TMEFF2: variants seen among roughly 807,000 people sequenced by gnomAD.
The protein encoded by TMEFF2 is transmembrane protein with EGF like and two follistatin like domains 2, also known as tomoregulin-2.
A neutral mutation model predicts 53.8 loss-of-function variants in TMEFF2; 28 were observed. The ratio of observed to expected loss-of-function variants is 0.52; its 90% confidence interval spans 0.39 to 0.71. TMEFF2 has a LOEUF of 0.71. Ranked by LOEUF, TMEFF2 falls within the 30% of genes least tolerant of loss-of-function variation. TMEFF2 has a pLI of 0.00. For synonymous variants in TMEFF2, 162 were observed against 166.3 expected (o/e 0.97, Z 0.20); for missense variants, 353 against 455.2 (o/e 0.78, Z 2.04).
At chr2:192,186,422 G>T (rs1377487497) in intron 2 of TMEFF2, among the ~76,000 whole-genome samples, 1 of 152,174 alleles carries the variant, frequency 6.6e-6, no homozygotes, top group Non-Finnish European at 1.5e-5. Flanking sequence ...ACTGTGGCCA[G>T]CAAGGCAAGT....
intron 7 of TMEFF2, among the ~76,000 whole-genome samples, chr2:191,961,811 A>G (rs984923628): frequency 2.0e-5 from 3 of 152,294 alleles, no homozygotes; most frequent in Non-Finnish European, 4.4e-5. Context: ...AAGCATTCCT[A>G]TTGAATGGGT....
intron 7 of TMEFF2, among the ~76,000 whole-genome samples, chr2:191,979,423 T>G (rs1009972320): frequency 2.6e-5 from 4 of 152,204 alleles, no homozygotes; most frequent in Non-Finnish European, 5.9e-5. Context: ...CAGGTGGTCT[T>G]TGACCTGGAG....
At chr2:191,973,303 A>G (rs944061208) in intron 7 of TMEFF2, among the ~76,000 whole-genome samples, 3 of 152,024 alleles carry the variant, frequency 2.0e-5, no homozygotes, top group Non-Finnish European at 4.4e-5. Context: ...TTATTATTTT[A>G]TAATCATATA....
chr2:192,057,897 A>G, intron 4 of TMEFF2, 122 bp from the exon 5 acceptor site: 5 of 737,758 alleles, frequency 6.8e-6, no homozygotes, highest in Non-Finnish European at 9.3e-6. Context: ...TTGAAGCTTC[A>G]TAAGAATGTC....
chr2:191,975,128 T>C (rs1574258595), intron 7 of TMEFF2, among the ~76,000 whole-genome samples: 1 of 151,310 alleles, frequency 6.6e-6, no homozygotes, highest in African/African-American at 2.4e-5. Flanking sequence ...AGAAGGATGC[T>C]AATTAAAAAA....
intron 4 of TMEFF2, among the ~76,000 whole-genome samples, chr2:192,072,448 T>C (rs1469735645): frequency 2.6e-5 from 4 of 151,102 alleles, no homozygotes; most frequent in Admixed American, 6.6e-5. Flanking sequence ...AAGCAACACA[T>C]TTTTTTTCTA....
chr2:191,990,533 C>G (rs1686079314), intron 7 of TMEFF2, among the ~76,000 whole-genome samples: 2 of 151,058 alleles, frequency 1.3e-5, no homozygotes, highest in Non-Finnish European at 1.5e-5. Flanking sequence ...TCCTACTCTT[C>G]TTTAAGCTTC....
intron 7 of TMEFF2, among the ~76,000 whole-genome samples, chr2:191,964,370 T>TCTCTCTC (rs1692388914): frequency 1.3e-5 from 1 of 74,852 alleles, no homozygotes; most frequent in African/African-American, 4.8e-5. Context: ...CTTTCTTTCT[T>TCTCTCTC]TCTCTTTCTT....
intron 5 of TMEFF2, among the ~76,000 whole-genome samples, chr2:192,056,504 T>C (rs968084725): frequency 3.9e-5 from 6 of 152,090 alleles, no homozygotes; most frequent in Admixed American, 2.6e-4. Context: ...CCTCAGAAGT[T>C]TGAGTTATTC....
At chr2:191,953,616 G>T in intron 9 of TMEFF2, 63 bp downstream of exon 9, 2 of 1,566,714 alleles carry the variant, frequency 1.3e-6, no homozygotes, top group Non-Finnish European at 1.7e-6. Context: ...GGAGGGATCT[G>T]ATTAAATAAA....
At chr2:192,141,515 A>C (rs981414304) in intron 4 of TMEFF2, among the ~76,000 whole-genome samples, 1 of 152,050 alleles carries the variant, frequency 6.6e-6, no homozygotes, top group Non-Finnish European at 1.5e-5. Flanking sequence ...TAGGTCTCAA[A>C]CATGCATTTG....
intron 4 of TMEFF2, among the ~76,000 whole-genome samples, chr2:192,170,610 A>G (rs1193002945): frequency 1.3e-5 from 2 of 152,048 alleles, no homozygotes; most frequent in Non-Finnish European, 2.9e-5. Flanking sequence ...GAAAAAGTTC[A>G]ACTTTATAGG....
chr2:192,172,118 G>A (rs1015615265), intron 4 of TMEFF2, among the ~76,000 whole-genome samples: 1 of 151,760 alleles, frequency 6.6e-6, no homozygotes, highest in Non-Finnish European at 1.5e-5. Context: ...TAATGGTGGG[G>A]TATAAAAGCT....
intron 5 of TMEFF2, among the ~76,000 whole-genome samples, chr2:192,056,622 G>A (rs1438929681): frequency 6.6e-6 from 1 of 152,082 alleles, no homozygotes; most frequent in African/African-American, 2.4e-5. Flanking sequence ...ATCTTTAAAA[G>A]AGTAGTTACT....
chr2:191,984,320 CATATAT>C (rs1685924843), intron 7 of TMEFF2, among the ~76,000 whole-genome samples: 1 of 152,064 alleles, frequency 6.6e-6, no homozygotes, highest in African/African-American at 2.4e-5. Flanking sequence ...GATAAAGTCT[CATATAT>C]ATGATGGGAG....
At chr2:192,167,174 C>A (rs1690789323) in intron 4 of TMEFF2, among the ~76,000 whole-genome samples, 1 of 152,072 alleles carries the variant, frequency 6.6e-6, no homozygotes, top group African/African-American at 2.4e-5. Flanking sequence ...TTGATTTCAA[C>A]CTTTGTCTTA....
At chr2:191,966,235 A>G (rs1464157361) in intron 7 of TMEFF2, among the ~76,000 whole-genome samples, 1 of 152,198 alleles carries the variant, frequency 6.6e-6, no homozygotes, top group African/African-American at 2.4e-5. Flanking sequence ...TTATGAAAGA[A>G]TATCTGCCAG....
intron 5 of TMEFF2, among the ~76,000 whole-genome samples, chr2:192,040,485 T>C (rs1687446878): frequency 6.6e-6 from 1 of 152,116 alleles, no homozygotes; most frequent in African/African-American, 2.4e-5. Flanking sequence ...TTTCTGTTAA[T>C]GTATAAGGAT....
At chr2:192,186,793 C>T (rs1691325946) in intron 2 of TMEFF2, among the ~76,000 whole-genome samples, 1 of 152,162 alleles carries the variant, frequency 6.6e-6, no homozygotes, top group South Asian at 2.1e-4. Flanking sequence ...ATTTATTTAT[C>T]CTTCTCAGAT....
Sources: gnomAD v4.1 joint callset for allele counts (sites outside exome capture counted in the v4.1 genomes callset) on GRCh38, gnomAD v4.1.1 for gene constraint, MANE v1.5 for transcripts, NCBI Gene and HGNC (gene_info 2026-07-23, HGNC 2026-07-21) for gene names.